The following PTPRD variants were observed in gnomAD, a reference collection of about 807,000 sequenced individuals.
PTPRD encodes the protein receptor-type tyrosine-protein phosphatase delta.
Under a neutral mutation model 214.5 loss-of-function variants are expected in PTPRD, and 34 were observed. The observed-to-expected ratio is 0.16, with a 90% CI of 0.12 to 0.21. The LOEUF (loss-of-function observed/expected upper bound fraction) is 0.21, where lower values mean the gene tolerates loss of function less well. Ranked by LOEUF, PTPRD falls within the 10% of genes least tolerant of loss-of-function variation. The pLI is 1.00. For synonymous variants in PTPRD, 1,128 were observed against 845.7 expected, an observed-to-expected ratio of 1.33 and a Z score of -5.79; for missense variants, 2,545 against 2,398.7, an observed-to-expected ratio of 1.06 and a Z score of -1.27.
rs1243346135 is a variant in PTPRD, at chr9:10,114,336, G to A, written c.-544-80546C>T. ...ATGGATCAAGCAAAGAACCACTTTC[G>A]GCCAAAGCAGCAGAAAAGCTTTCCT... On this transcript the variant is annotated intron_variant, in intron 3 of 45. Transcript: ENST00000381196. Among the ~76,000 whole-genome samples the A allele has an allele frequency of 4.6e-5, 7 of 152,178 alleles. No individual in the cohort carries two copies. In the East Asian group the frequency reaches 9.6e-4, roughly 21 times the overall value.
chr9:8,804,024 C>T (rs1466037693), intron 11 of PTPRD, among the ~76,000 whole-genome samples: 1 of 152,000 alleles, frequency 6.6e-6, no homozygotes, highest in African/African-American at 2.4e-5. Context: ...GCAATCTTGG[C>T]TCACTGCAAC....
intron 3 of PTPRD, among the ~76,000 whole-genome samples, chr9:10,339,528 A>G (rs77413092): frequency 0.032 from 4,827 of 151,770 alleles, 299 homozygotes; most frequent in Admixed American, 0.16. Flanking sequence ...AGCTATCATG[A>G]TATCTATTCT....
chr9:9,793,269 G>C (rs2098979828), intron 5 of PTPRD, among the ~76,000 whole-genome samples: 1 of 152,010 alleles, frequency 6.6e-6, no homozygotes, highest in Non-Finnish European at 1.5e-5. Context: ...TGAATAAAAT[G>C]GATGTATCTA....
chr9:8,864,424 G>A (rs78834762), intron 11 of PTPRD, among the ~76,000 whole-genome samples: 3,541 of 152,250 alleles, frequency 0.023, 139 homozygotes, highest in African/African-American at 0.08. Flanking sequence ...AGATTCAATG[G>A]TTAGGAAGAG....
chr9:9,182,045 T>G (rs566959688), intron 10 of PTPRD, among the ~76,000 whole-genome samples: 28 of 152,102 alleles, frequency 1.8e-4, no homozygotes, highest in Admixed American at 1.3e-4. Context: ...AACACATCAA[T>G]TTGACTGGGG....
At chr9:9,696,993 A>G (rs2097388590) in intron 7 of PTPRD, among the ~76,000 whole-genome samples, 1 of 152,088 alleles carries the variant, frequency 6.6e-6, no homozygotes, top group South Asian at 2.1e-4. Context: ...ACAAAAACAT[A>G]TAAAAATTTT....
chr9:9,877,841 C>T (rs571465255), intron 5 of PTPRD, among the ~76,000 whole-genome samples: 28 of 151,886 alleles, frequency 1.8e-4, no homozygotes, highest in Non-Finnish European at 2.9e-4. Flanking sequence ...GGCACGGTGG[C>T]CCATGCCTGT....
intron 12 of PTPRD, among the ~76,000 whole-genome samples, chr9:8,667,129 A>T (rs774824338): frequency 7.2e-5 from 11 of 152,186 alleles, no homozygotes; most frequent in Non-Finnish European, 1.6e-4. Flanking sequence ...ACCTGAAGTC[A>T]GGAGTTCAAG....
At chr9:9,699,414 T>G (rs919534654) in intron 7 of PTPRD, among the ~76,000 whole-genome samples, 2 of 152,200 alleles carry the variant, frequency 1.3e-5, no homozygotes, top group Admixed American at 1.3e-4. Context: ...TTGTTCTTTT[T>G]TGTCCCCCTT....
intron 10 of PTPRD, among the ~76,000 whole-genome samples, chr9:9,134,450 C>G (rs1471755497): frequency 6.6e-6 from 1 of 152,162 alleles, no homozygotes; most frequent in Non-Finnish European, 1.5e-5. Flanking sequence ...CTTCTCACAC[C>G]TCCACTTGGT....
chr9:10,238,054 T>C (rs1414022387), intron 3 of PTPRD, among the ~76,000 whole-genome samples: 1 of 151,800 alleles, frequency 6.6e-6, no homozygotes, highest in East Asian at 1.9e-4. Context: ...AAATCCTTTC[T>C]CTGATTCTCA....
At chr9:8,875,994 C>T (rs905269423) in intron 11 of PTPRD, among the ~76,000 whole-genome samples, 2 of 152,186 alleles carry the variant, frequency 1.3e-5, no homozygotes, top group East Asian at 1.9e-4. Flanking sequence ...GCCTGGAATT[C>T]TTACAACATA....
chr9:9,815,448 G>C (rs1048551608), intron 5 of PTPRD, among the ~76,000 whole-genome samples: 3 of 152,104 alleles, frequency 2.0e-5, no homozygotes, highest in East Asian at 3.9e-4. Flanking sequence ...CCTTGAAATT[G>C]ATCTGGGAAA....
chr9:8,645,486 T>G (rs899852918), intron 12 of PTPRD, among the ~76,000 whole-genome samples: 8 of 152,344 alleles, frequency 5.3e-5, no homozygotes, highest in African/African-American at 1.9e-4. Flanking sequence ...TATGCATGTC[T>G]ATACCATTAA....
At chr9:8,898,883 T>C (rs906388566) in intron 11 of PTPRD, among the ~76,000 whole-genome samples, 4 of 152,170 alleles carry the variant, frequency 2.6e-5, no homozygotes, top group Non-Finnish European at 5.9e-5. Flanking sequence ...TTGTTTTATA[T>C]ATAAAAAGAC....
chr9:8,960,314 G>C (rs962091772), intron 11 of PTPRD, among the ~76,000 whole-genome samples: 4 of 152,094 alleles, frequency 2.6e-5, no homozygotes, highest in African/African-American at 9.7e-5. Flanking sequence ...TCATAATACA[G>C]TTAGAAATGT....
At chr9:10,341,611 G>A (rs2096940789) in intron 2 of PTPRD, among the ~76,000 whole-genome samples, 1 of 151,918 alleles carries the variant, frequency 6.6e-6, no homozygotes, top group African/African-American at 2.4e-5. Context: ...CAAAAATTAT[G>A]CAAGAAATCA....
chr9:8,354,228 A>C (rs1208932933), intron 39 of PTPRD, among the ~76,000 whole-genome samples: 1 of 151,794 alleles, frequency 6.6e-6, no homozygotes, highest in Non-Finnish European at 1.5e-5. Context: ...AAGGTGCTAG[A>C]ATCCATAGTT....
At chr9:10,082,848 C>CACACAA (rs1555567005) in intron 3 of PTPRD, among the ~76,000 whole-genome samples, 1 of 150,004 alleles carries the variant, frequency 6.7e-6, no homozygotes, top group Non-Finnish European at 1.5e-5. Flanking sequence ...CAAACACACA[C>CACACAA]ACACACACAC....
Sources: allele counts gnomAD v4.1 joint callset (sites outside exome capture counted in the v4.1 genomes callset), GRCh38; gene constraint gnomAD v4.1.1; transcripts MANE v1.5; gene names NCBI Gene and HGNC (gene_info 2026-07-23, HGNC 2026-07-21).